Variants in SIX4 observed in about 807,000 individuals in gnomAD.
SIX4 encodes the protein homeobox protein SIX4.
A neutral mutation model predicts 51.5 loss-of-function variants in SIX4; 23 were observed. The ratio of observed to expected loss-of-function variants is 0.45; its 90% CI spans 0.32 to 0.63. The LOEUF is 0.63. Among genes scored for constraint, SIX4 ranks in the 30% least tolerant of loss-of-function variants. SIX4 has a pLI of 0.04. For synonymous variants in SIX4, 413 were observed against 417.3 expected (o/e 0.99, Z 0.13); for missense variants, 867 against 984.0 (o/e 0.88, Z 1.59).
At position 60,720,886 on chromosome 14, in the gene SIX4, T is replaced by C. The variant is rs1317719489; in HGVS notation, c.864-441A>G. The C allele has an allele frequency of 2.3e-6, 2 of 861,780 alleles. No individual in the cohort carries two copies. The highest frequency in any genetic ancestry group is 3.6e-5 in the African/African-American group (2 of 54,908). The allele number at this position is 861,780 out of a possible 1,614,324, so 53.4% of individuals were successfully genotyped here. On this transcript the variant is annotated intron_variant, in intron 1 of 2. Coordinates refer to ENST00000216513, the MANE Select transcript of SIX4 (RefSeq NM_017420.5). The surrounding 1 kb of genome is among the most constrained non-coding windows in gnomAD (Gnocchi z 5.5). ...CAAACCAATTCAGATTAGTGTTATC[T>C]TGGAGGTAAATGAAGCTGCCAAAGG...
rs1224809749 is a variant in SIX4, at chr14:60,711,517, G to A, written c.*1890C>T. 1.3e-5 allele frequency: 2 copies of A among 151,852 alleles called. No homozygotes were observed. 9.4% of individuals were successfully genotyped at this position (151,852 alleles called of 1,614,324 possible). A position where few individuals can be genotyped will look rare whatever the true frequency, so the allele number is the denominator to read the frequency against. ...AAAGCAAGATGTGGCCAGGCACAGT[G>A]GCTCATGCCTATAATCCCAGCACTT... On this transcript the variant is annotated 3_prime_UTR_variant, in exon 3 of 3. Transcript: ENST00000216513.
At chr14:60,716,125 C>T (rs1895916316) in intron 2 of SIX4, among the ~76,000 whole-genome samples, 1 of 151,940 alleles carries the variant, frequency 6.6e-6, no homozygotes. Flanking sequence ...CTCGGTCTCC[C>T]AAAGTGCTGG....
chr14:60,717,074 T>C lies in SIX4; in HGVS notation c.1549+2686A>G. On this transcript the variant is annotated intron_variant, in intron 2 of 2. Coordinates refer to ENST00000216513, the MANE Select transcript of SIX4 (RefSeq NM_017420.5). This position sits in a 1 kb window ranked among gnomAD's most constrained non-coding sequence, Gnocchi z 4.6. ...CTTTAAAACTCTTATTTTTATTTAT[T>C]TATTTATTTATTTTTGAGATAAGGG... is the stretch of plus-strand genomic sequence containing the variant. 1 of 324,200 alleles carries C rather than the reference T, an allele frequency of 3.1e-6. No homozygotes were observed. Among genetic ancestry groups the C allele is most frequent in the South Asian group, 2.6e-5 (1 of 38,850 alleles). The allele number at this position is 324,200 out of a possible 1,614,324, so 20.1% of individuals were successfully genotyped here. A position where few individuals can be genotyped will look rare whatever the true frequency, so the allele number is the denominator to read the frequency against.
In SIX4 at chr14:60,713,995, C is replaced by G; in HGVS notation, c.1758G>C (p.Gln586His). 1 of 1,614,124 alleles carries G rather than the reference C, an allele frequency of 6.2e-7. No homozygotes were observed. The highest frequency in any genetic ancestry group is 2.2e-5 in the East Asian group (1 of 44,880). ...ACAGGTTTGCATTTACTTGTGCATT[C>G]TGATTGACAGGCATCAACTGAGAAA... ...LVFSQLMPVN[Q>H]NAQVNANLSS... is the part of the protein sequence containing the mutation. Residue 586 changes from glutamine (Q) to histidine (H), a missense_variant, in exon 3 of 3, where the codon CAG (glutamine) becomes CAC (histidine). By Grantham distance (24) the Gln-to-His change is conservative. Coordinates refer to ENST00000216513, the MANE Select transcript of SIX4 (RefSeq NM_017420.5).
At chr14:60,721,264 G>T in intron 1 of SIX4, 286 of 396,378 alleles carry the variant, frequency 7.2e-4, no homozygotes, top group Non-Finnish European at 9.0e-4. Flanking sequence ...TCTGACTTGG[G>T]AGAAATACCA....
Position 60,723,769 on chromosome 14 carries a change from C to A in SIX4, c.306G>T (p.Ala102=), listed in dbSNP as rs533898923. 2.3e-5 allele frequency: 36 copies of A among 1,538,346 alleles called. No homozygotes were observed. The highest frequency in any genetic ancestry group is 3.0e-5 in the Non-Finnish European group (34 of 1,146,980). Reference sequence around the variant, plus strand: ...CGGGCGAGAAGGCCAGCGGGGTCTGCGCGGCGGCGGCGGCGGCGTGGTGGT... The same window carrying A: ...CGGGCGAGAAGGCCAGCGGGGTCTGAGCGGCGGCGGCGGCGGCGTGGTGGT... ...GRHHHAAAAA[A]QTPLAFSPDH... Residue 102 remains alanine, a synonymous_variant, in exon 1 of 3, where the codon GCG becomes GCT. Coordinates refer to ENST00000216513, the MANE Select transcript of SIX4 (RefSeq NM_017420.5).
Position 60,719,690 on chromosome 14 carries a change from CA to C in SIX4, c.1549+69del. ...AGAAACATCAATCTATAGCTATCAC[CA>C]AATGCGTCACTTACAGCAGCTGATG... On this transcript the variant is annotated intron_variant, in intron 2 of 2. Transcript: ENST00000216513. The surrounding 1 kb of genome is among the most constrained non-coding windows in gnomAD (Gnocchi z 4.9). The C allele has an allele frequency of 6.7e-7, 1 of 1,488,710 alleles. No individual in the cohort carries two copies. Among genetic ancestry groups the C allele is most frequent in the South Asian group, 1.3e-5 (1 of 79,030 alleles). 92.2% of individuals were successfully genotyped at this position (1,488,710 alleles called of 1,614,324 possible). A position where few individuals can be genotyped will look rare whatever the true frequency, so the allele number is the denominator to read the frequency against.
At position 60,719,718 on chromosome 14, in the gene SIX4, A is replaced by C; in HGVS notation, c.1549+42T>G. On this transcript the variant is annotated intron_variant, in intron 2 of 2. Coordinates refer to ENST00000216513, the MANE Select transcript of SIX4 (RefSeq NM_017420.5). The surrounding 1 kb of genome is among the most constrained non-coding windows in gnomAD (Gnocchi z 4.9). Reference sequence around the variant, plus strand: ...ATGCGTCACTTACAGCAGCTGATGAACACATTTGCTGGTGCATTAAGGTAC... The same window carrying C: ...ATGCGTCACTTACAGCAGCTGATGACCACATTTGCTGGTGCATTAAGGTAC... The C allele has an allele frequency of 1.9e-6, 3 of 1,578,114 alleles. No individual in the cohort carries two copies. The highest frequency in any genetic ancestry group is 2.6e-6 in the Non-Finnish European group (3 of 1,155,738).
intron 2 of SIX4, among the ~76,000 whole-genome samples, chr14:60,714,834 T>C (rs1895892365): frequency 6.6e-6 from 1 of 151,930 alleles, no homozygotes; most frequent in Admixed American, 6.6e-5. Context: ...TCCAGCTAAT[T>C]TTTGTATTTT....
In SIX4 at chr14:60,723,547, C is replaced by G. The variant is rs760633995; in HGVS notation, c.528G>C (p.Ser176=). The G allele has an allele frequency of 3.1e-6, 5 of 1,608,776 alleles. No individual in the cohort carries two copies. The highest frequency in any genetic ancestry group is 4.2e-6 in the Non-Finnish European group (5 of 1,179,330). ...GCTGCTGCAGCAGCGGGTGGTTGGCCGACTCGAAGCTGTGGCTCTCGAGGA... is the reference window on the plus strand; with the variant it reads ...GCTGCTGCAGCAGCGGGTGGTTGGCGGACTCGAAGCTGTGGCTCTCGAGGA... ...YSILESHSFE[S]ANHPLLQQLW... Residue 176 remains serine (S), a synonymous_variant, in exon 1 of 3, where the codon TCG becomes TCC. Coordinates refer to ENST00000216513, the MANE Select transcript of SIX4 (RefSeq NM_017420.5).
chr14:60,716,593 G>T (rs1471706411), intron 2 of SIX4, among the ~76,000 whole-genome samples: 1 of 152,030 alleles, frequency 6.6e-6, no homozygotes, highest in Non-Finnish European at 1.5e-5. Context: ...TCACTATGTT[G>T]CCCAGGCTGG....
At chr14:60,721,888 C>G (rs1344461363) in intron 1 of SIX4, among the ~76,000 whole-genome samples, 1 of 152,250 alleles carries the variant, frequency 6.6e-6, no homozygotes, top group Non-Finnish European at 1.5e-5. Context: ...AAGGCGCACG[C>G]ACATCCCGGT....
At position 60,724,337 on chromosome 14, in the gene SIX4, T is replaced by C; in HGVS notation, c.-263A>G. The stretch of plus-strand genomic sequence containing the variant: ...CCCCCAACGTGACTCCTCCGGTTGC[T>C]GCATACTATATGGCAGTGGCGGCCG... On this transcript the variant is annotated 5_prime_UTR_variant, in exon 1 of 3. Coordinates refer to ENST00000216513, the MANE Select transcript of SIX4 (RefSeq NM_017420.5). The C allele has an allele frequency of 6.8e-7, 1 of 1,461,190 alleles. No individual in the cohort carries two copies. Among genetic ancestry groups the C allele is most frequent in the Non-Finnish European group, 9.1e-7 (1 of 1,098,476 alleles). The allele number at this position is 1,461,190 out of a possible 1,614,324, so 90.5% of individuals were successfully genotyped here.
At chr14:60,718,437 T>C (rs1162394573) in intron 2 of SIX4, among the ~76,000 whole-genome samples, 1 of 152,244 alleles carries the variant, frequency 6.6e-6, no homozygotes, top group Non-Finnish European at 1.5e-5. Context: ...AAAGTATTTC[T>C]ACTTTTCTCC....
intron 2 of SIX4, among the ~76,000 whole-genome samples, chr14:60,718,193 T>C (rs1228861847): frequency 1.3e-5 from 2 of 152,124 alleles, no homozygotes; most frequent in Non-Finnish European, 2.9e-5. Flanking sequence ...CCCCAAAATG[T>C]TTTATTGAGA....
chr14:60,719,994 T>C lies in SIX4; in HGVS notation c.1315A>G (p.Ser439Gly). 1 of 1,614,200 alleles carries C rather than the reference T, an allele frequency of 6.2e-7. No individual in the cohort carries two copies. Among genetic ancestry groups the C allele is most frequent in the South Asian group, 1.1e-5 (1 of 91,080 alleles). The stretch of plus-strand genomic sequence containing the variant: ...AGGCCTGGGAATGAGACAGGGACAC[T>C]GGGGCTGTAGGACGTGGTGGTTGCT... Reference protein sequence around the residue: ...NSATTTSYSPSVPVSFPGLIP... With the variant: ...NSATTTSYSPGVPVSFPGLIP... Residue 439 changes from serine to glycine, a missense_variant, in exon 2 of 3, where the codon AGT becomes GGT. Physicochemically the swap from Ser to Gly is moderately conservative, Grantham distance 56. Coordinates refer to ENST00000216513, the MANE Select transcript of SIX4 (RefSeq NM_017420.5). The surrounding 1 kb of genome is among the most constrained non-coding windows in gnomAD (Gnocchi z 4.9).
intron 1 of SIX4, among the ~76,000 whole-genome samples, chr14:60,721,445 G>A (rs1387410557): frequency 1.3e-5 from 2 of 152,218 alleles, no homozygotes; most frequent in Non-Finnish European, 2.9e-5. Context: ...CATGCCGAGG[G>A]GAGGGGATTA....
intron 2 of SIX4, among the ~76,000 whole-genome samples, chr14:60,715,399 T>C (rs1451709907): frequency 6.6e-6 from 1 of 152,240 alleles, no homozygotes; most frequent in Non-Finnish European, 1.5e-5. Context: ...AGTTGCAAAC[T>C]TTCACCAAAC....
chr14:60,714,403 T>C (rs926223213), intron 2 of SIX4, among the ~76,000 whole-genome samples, 200 bp from the exon 3 acceptor site: 2 of 152,162 alleles, frequency 1.3e-5, no homozygotes, highest in Non-Finnish European at 2.9e-5. Flanking sequence ...AAGTGTAACT[T>C]AGTACATCTT....
Sources: gnomAD v4.1 joint callset for allele counts (sites outside exome capture counted in the v4.1 genomes callset) on GRCh38, gnomAD v4.1.1 for gene constraint, Gnocchi (gnomAD v3.1) non-coding constraint, MANE v1.5 for transcripts, NCBI Gene and HGNC (gene_info 2026-07-23, HGNC 2026-07-21) for gene names.